Variants in SLC66A2 observed in about 807,000 individuals in gnomAD.
SLC66A2 encodes the protein solute carrier family 66 member 2.
Under a neutral mutation model 25.5 loss-of-function variants are expected in SLC66A2, and 23 were observed. That is an observed-to-expected ratio of 0.90 (90% CI 0.65 to 1.28). The LOEUF is 1.28. Ranked by LOEUF, SLC66A2 falls within the 50% of genes most tolerant of loss-of-function variation. The pLI, the probability that SLC66A2 is intolerant of heterozygous loss-of-function variation, is 0.00. For missense variants in SLC66A2, 396 were observed against 373.1 expected (o/e 1.06, Z -0.51); for synonymous variants, 193 against 166.5 (o/e 1.16, Z -1.23).
intron 5 of SLC66A2, among the ~76,000 whole-genome samples, chr18:79,906,784 C>T (rs1348733183): frequency 6.6e-6 from 1 of 152,198 alleles, no homozygotes; most frequent in Non-Finnish European, 1.5e-5. Flanking sequence ...CTAAGTGCAA[C>T]TGGGGATTTG....
intron 3 of SLC66A2, 44 bp downstream of exon 3, chr18:79,943,285 G>A (rs377562226): frequency 2.7e-5 from 43 of 1,599,938 alleles, no homozygotes; most frequent in Admixed American, 2.4e-4. Context: ...AGTCACCTAC[G>A]CCCTGATTCC....
In SLC66A2 at chr18:79,927,548, AAT is replaced by A. The variant is rs929154805; in HGVS notation, c.391+6419_391+6420del. The stretch of plus-strand genomic sequence containing the variant: ...CGGCACTGGCCTCGCTGACCCCTCT[AAT>A]CCTGCCACCTGTGCAGCAGGCGGCA... On this transcript the variant is annotated intron_variant, in intron 4 of 5. Transcript: ENST00000397778. This position sits in a 1 kb window ranked among gnomAD's most constrained non-coding sequence, Gnocchi z 6.2. Among the ~76,000 whole-genome samples, 1 of 152,180 alleles carries A rather than the reference AAT, an allele frequency of 6.6e-6. No homozygotes were observed. The highest frequency in any genetic ancestry group is 2.4e-5 in the African/African-American group (1 of 41,456).
At chr18:79,924,697 G>A (rs762696835) in intron 4 of SLC66A2, among the ~76,000 whole-genome samples, 2 of 152,176 alleles carry the variant, frequency 1.3e-5, no homozygotes, top group Non-Finnish European at 2.9e-5. Context: ...ACCAAAAGAT[G>A]CAGACATATC....
chr18:79,932,982 A>G (rs1159278622), intron 4 of SLC66A2, among the ~76,000 whole-genome samples: 1 of 152,250 alleles, frequency 6.6e-6, no homozygotes, highest in African/African-American at 2.4e-5. Context: ...TACTAAATCT[A>G]GACAAAGTCA....
intron 5 of SLC66A2, among the ~76,000 whole-genome samples, chr18:79,909,094 A>G (rs1251898127): frequency 6.6e-6 from 1 of 152,244 alleles, no homozygotes; most frequent in Non-Finnish European, 1.5e-5. Context: ...TGAGTCTTCC[A>G]TGGTCCTATC....
intron 5 of SLC66A2, among the ~76,000 whole-genome samples, chr18:79,905,671 A>G (rs930244262): frequency 3.9e-5 from 6 of 152,258 alleles, no homozygotes; most frequent in Non-Finnish European, 8.8e-5. Flanking sequence ...GATGGGAAAC[A>G]GAGCTCGCCT....
In SLC66A2 at chr18:79,936,355, A is replaced by G. The variant is rs369596541; in HGVS notation, c.338-2333T>C. Among the ~76,000 whole-genome samples the G allele has an allele frequency of 1.3e-4, 20 of 152,372 alleles. No individual in the cohort carries two copies. The East Asian group carries it at 3.3e-3, about 25-fold the overall frequency. On this transcript the variant is annotated intron_variant, in intron 3 of 5. Transcript: ENST00000397778. ...CCTGAAAATGCATGCAAGATGGCAC[A>G]TGACCCCTACATACAACACATTTTC...
intron 5 of SLC66A2, among the ~76,000 whole-genome samples, chr18:79,912,939 G>A (rs1983455630): frequency 6.6e-6 from 1 of 152,150 alleles, no homozygotes; most frequent in African/African-American, 2.4e-5. Flanking sequence ...GGTGAGGGGG[G>A]GTTCTGAGTG....
rs551113494 is a variant in SLC66A2, at chr18:79,903,683, C to T, written c.*293G>A. On this transcript the variant is annotated 3_prime_UTR_variant, in exon 6 of 6. Coordinates refer to ENST00000397778, the MANE Select transcript of SLC66A2 (RefSeq NM_025078.5). ...GCCCAATGTGTACCTTGGGCTCAGA[C>T]GGTGTTTCATAAGAGGAAATGGGGA... is the stretch of plus-strand genomic sequence containing the variant. 319 of 417,490 alleles carry T rather than the reference C, an allele frequency of 7.6e-4. 2 individuals are homozygous for T. The East Asian group carries it at 0.019, about 25-fold the overall frequency. 25.9% of individuals were successfully genotyped at this position (417,490 alleles called of 1,614,324 possible). A position where few individuals can be genotyped will look rare whatever the true frequency, so the allele number is the denominator to read the frequency against.
At chr18:79,912,119 G>C (rs62101163) in intron 5 of SLC66A2, among the ~76,000 whole-genome samples, 102 of 11,732 alleles carry the variant, frequency 8.7e-3, no homozygotes, top group East Asian at 0.013. Flanking sequence ...GGGGGGACGG[G>C]AGCAGGGAGG....
At chr18:79,914,725 G>A (rs1273881332) in intron 5 of SLC66A2, among the ~76,000 whole-genome samples, 1 of 152,268 alleles carries the variant, frequency 6.6e-6, no homozygotes, top group South Asian at 2.1e-4. Context: ...AGGCTGCAGT[G>A]CCAAGGGAGG....
At chr18:79,942,583 T>C (rs1054185757) in intron 3 of SLC66A2, among the ~76,000 whole-genome samples, 4 of 152,124 alleles carry the variant, frequency 2.6e-5, no homozygotes, top group Non-Finnish European at 5.9e-5. Flanking sequence ...GAGATCACTC[T>C]CTCTCTCAAA....
chr18:79,917,898 C>T lies in SLC66A2; in HGVS notation c.608+1286G>A, dbSNP rs936161756. 6.6e-6 allele frequency among the ~76,000 whole-genome samples: 1 copy of T among 151,760 alleles called. No individual in the cohort carries two copies. The highest frequency in any genetic ancestry group is 1.5e-5 in the Non-Finnish European group (1 of 67,878). On this transcript the variant is annotated intron_variant, in intron 5 of 5. Coordinates refer to ENST00000397778, the MANE Select transcript of SLC66A2 (RefSeq NM_025078.5). This position sits in a 1 kb window ranked among gnomAD's most constrained non-coding sequence, Gnocchi z 6.0. ...AGCACCCCACACCTGACCCATGCCCCACACCTCTACCTACAGCCCACACCG... is the reference window on the plus strand; with the variant it reads ...AGCACCCCACACCTGACCCATGCCCTACACCTCTACCTACAGCCCACACCG...
Position 79,950,666 on chromosome 18 carries a change from C to T in SLC66A2, c.203+58G>A, listed in dbSNP as rs891143671. 5 of 1,583,862 alleles carry T rather than the reference C, an allele frequency of 3.2e-6. No individual in the cohort carries two copies. The African/African-American group carries it at 4.0e-5, about 13-fold the overall frequency. On this transcript the variant is annotated intron_variant, in intron 2 of 5. Coordinates refer to ENST00000397778, the MANE Select transcript of SLC66A2 (RefSeq NM_025078.5). ...TGCTCCCCCGGCCTCAACCAGAAAC[C>T]CCAAAGGAGAAACCCTCTTCTCCGG...
At chr18:79,934,092 T>A in intron 3 of SLC66A2, 70 bp from the exon 4 acceptor site, 2 of 1,208,188 alleles carry the variant, frequency 1.7e-6, no homozygotes, top group African/African-American at 1.5e-5. Flanking sequence ...TTAACATGGG[T>A]AAACAGCTGT....
rs1317485919 is a variant in SLC66A2 at position 79,927,592 on chromosome 18, G to A, written c.391+6377C>T. Among the ~76,000 whole-genome samples the A allele has an allele frequency of 2.0e-5, 3 of 152,226 alleles. No individual in the cohort carries two copies. The highest frequency in any genetic ancestry group is 4.8e-5 in the African/African-American group (2 of 41,538). On this transcript the variant is annotated intron_variant, in intron 4 of 5. Transcript: ENST00000397778. This position sits in a 1 kb window ranked among gnomAD's most constrained non-coding sequence, Gnocchi z 6.2. ...CAGGCGGCAACAGGGACAGGCAGAC[G>A]ACACAGCTGGGGCCAGAGGACGACG...
In SLC66A2 at chr18:79,913,431, G is replaced by A. The variant is rs145116028; in HGVS notation, c.608+5753C>T. 2.8e-3 allele frequency among the ~76,000 whole-genome samples: 422 copies of A among 152,330 alleles called. 2 individuals carry two copies. The highest frequency in any genetic ancestry group is 2.9e-3 in the Non-Finnish European group (197 of 68,028). On this transcript the variant is annotated intron_variant, in intron 5 of 5. Transcript: ENST00000397778. ...AACACTCTCAGAAAATCCGCCCTTCGGAGCCTGCTGTGTTAATTAGCAAAG... is the reference window on the plus strand; with the variant it reads ...AACACTCTCAGAAAATCCGCCCTTCAGAGCCTGCTGTGTTAATTAGCAAAG...
chr18:79,908,996 T>C (rs150299799), intron 5 of SLC66A2, among the ~76,000 whole-genome samples: 13 of 152,362 alleles, frequency 8.5e-5, no homozygotes, highest in African/African-American at 3.1e-4. Flanking sequence ...CTATTGACTG[T>C]CATTTCCGTT....
chr18:79,937,044 T>C lies in SLC66A2; in HGVS notation c.338-3022A>G, dbSNP rs576115943. Among the ~76,000 whole-genome samples the C allele has an allele frequency of 5.3e-5, 8 of 152,154 alleles. No individual in the cohort carries two copies. The highest frequency in any genetic ancestry group is 1.9e-4 in the East Asian group (1 of 5,184). The stretch of plus-strand genomic sequence containing the variant: ...AAGCGACACAGCCAGGCCTGGAGGT[T>C]TGAAGTCAAATGGAAAGAATTGGTG... On this transcript the variant is annotated intron_variant, in intron 3 of 5. Transcript: ENST00000397778. This position sits in a 1 kb window ranked among gnomAD's most constrained non-coding sequence, Gnocchi z 5.4.
Sources: allele counts gnomAD v4.1 joint callset (sites outside exome capture counted in the v4.1 genomes callset), GRCh38; gene constraint gnomAD v4.1.1; non-coding constraint Gnocchi (gnomAD v3.1); transcripts MANE v1.5; gene names NCBI Gene and HGNC (gene_info 2026-07-23, HGNC 2026-07-21).